The following GPAM variants were observed in gnomAD, a reference collection of about 807,000 sequenced individuals.
GPAM encodes the protein glycerol-3-phosphate acyltransferase 1, mitochondrial.
Under a neutral mutation model 105.0 loss-of-function variants are expected in GPAM, and 56 were observed. That is an observed-to-expected ratio of 0.53 (90% CI 0.43 to 0.67). The LOEUF is 0.67. Among genes scored for constraint, GPAM ranks in the 30% least tolerant of loss-of-function variants. The pLI is 0.00. For missense variants in GPAM, 855 were observed against 989.8 expected (o/e 0.86, Z 1.83); for synonymous variants, 368 against 354.4 (o/e 1.04, Z -0.43).
chr10:112,154,476 T>C (rs1846978745), intron 21 of GPAM, 153 bp downstream of exon 21: 1 of 675,610 alleles, frequency 1.5e-6, no homozygotes, highest in Admixed American at 2.2e-5. Flanking sequence ...CAACCCATCC[T>C]ACATGCCCCG....
intron 14 of GPAM, among the ~76,000 whole-genome samples, chr10:112,163,123 T>TACAG (rs1847151676): frequency 6.6e-6 from 1 of 152,180 alleles, no homozygotes; most frequent in East Asian, 1.9e-4. Flanking sequence ...TACACAATTG[T>TACAG]ACAGCTTGGA....
Position 112,160,603 on chromosome 10 carries a change from C to G in GPAM, c.1759+1G>C, listed in dbSNP as rs1402538145. The G allele has an allele frequency of 6.2e-7, 1 of 1,611,656 alleles. No homozygotes were observed. The highest frequency in any genetic ancestry group is 8.5e-7 in the Non-Finnish European group (1 of 1,177,818). ...TGAAAATATTTCAAGGTCTGACATA[C>G]CTATGATGGCCTCCATGATAAAGAC... is the stretch of plus-strand genomic sequence containing the variant. On this transcript the variant is annotated splice_donor_variant, in intron 16 of 21. Coordinates refer to ENST00000348367, the MANE Select transcript of GPAM (RefSeq NM_001244949.2). LOFTEE classifies it high-confidence loss of function.
chr10:112,181,543 T>C lies in GPAM; in HGVS notation c.102+140A>G, dbSNP rs570195568. On this transcript the variant is annotated intron_variant, in intron 3 of 21. Transcript: ENST00000348367. Reference sequence around the variant, plus strand: ...AATATAATGCCATAAAATTTTTTATTAGGCTTCATAAACATACCAGTTTCT... The same window carrying C: ...AATATAATGCCATAAAATTTTTTATCAGGCTTCATAAACATACCAGTTTCT... 328 of 669,798 alleles carry C rather than the reference T, an allele frequency of 4.9e-4. 1 individual carries two copies. In the African/African-American group the frequency reaches 5.4e-3, roughly 11 times the overall value. 41.5% of individuals were successfully genotyped at this position (669,798 alleles called of 1,614,324 possible). A position where few individuals can be genotyped will look rare whatever the true frequency, so the allele number is the denominator to read the frequency against.
chr10:112,162,386 A>G (rs781632264), intron 14 of GPAM, among the ~76,000 whole-genome samples: 42 of 152,200 alleles, frequency 2.8e-4, no homozygotes, highest in Non-Finnish European at 4.3e-4. Flanking sequence ...GGTGCTCAGC[A>G]TATTTGTATT....
rs1847326160 is a variant in GPAM, at chr10:112,172,292, T to C, written c.684A>G (p.Pro228=). The C allele has an allele frequency of 1.2e-6, 2 of 1,612,898 alleles. No individual in the cohort carries two copies. Among genetic ancestry groups the C allele is most frequent in the Non-Finnish European group, 1.7e-6 (2 of 1,179,004 alleles). Residue 228 remains proline, a synonymous_variant, in exon 9 of 22, where the codon CCA becomes CCG. Transcript: ENST00000348367. The stretch of plus-strand genomic sequence containing the variant: ...GATAGTCAATATGGGATCTATGAAC[T>C]GGTAGAAACAGAAGCGGCAAATTCG... ...TETNLPLLFL[P]VHRSHIDYLL... is the part of the protein sequence containing the mutation.
Position 112,181,664 on chromosome 10 carries a change from A to G in GPAM, c.102+19T>C, listed in dbSNP as rs1554847174. ...AACATTTTTAGGCTGAGTGCTTTTA[A>G]CTCTTATCCTAAACTTACCCATTCC... is the stretch of plus-strand genomic sequence containing the variant. On this transcript the variant is annotated intron_variant, in intron 3 of 21. Coordinates refer to ENST00000348367, the MANE Select transcript of GPAM (RefSeq NM_001244949.2). 1 of 1,364,746 alleles carries G rather than the reference A, an allele frequency of 7.3e-7. No individual in the cohort carries two copies. The highest frequency in any genetic ancestry group is 1.2e-5 in the South Asian group (1 of 86,248). The allele number at this position is 1,364,746 out of a possible 1,614,324, so 84.5% of individuals were successfully genotyped here. A position where few individuals can be genotyped will look rare whatever the true frequency, so the allele number is the denominator to read the frequency against.
intron 19 of GPAM, 99 bp from the exon 20 acceptor site, chr10:112,156,152 A>T: frequency 1.3e-6 from 1 of 784,660 alleles, no homozygotes; most frequent in Admixed American, 2.0e-5. Flanking sequence ...TAACGTGAGA[A>T]GATGGCCACT....
chr10:112,153,193 G>A lies in GPAM; in HGVS notation c.*357C>T, dbSNP rs151007929. 1.2e-3 allele frequency: 1,398 copies of A among 1,123,896 alleles called. 13 individuals carry two copies. The African/African-American group carries it at 0.02, about 16-fold the overall frequency. The allele number at this position is 1,123,896 out of a possible 1,614,324, so 69.6% of individuals were successfully genotyped here. ...GTATACCATGTAAGATTCAGTTCCA[G>A]AACACAGCTACATTTCTGTGTCCAT... On this transcript the variant is annotated 3_prime_UTR_variant, in exon 22 of 22. Coordinates refer to ENST00000348367, the MANE Select transcript of GPAM (RefSeq NM_001244949.2).
Position 112,151,412 on chromosome 10 carries a change from A to C in GPAM, c.*2138T>G. On this transcript the variant is annotated 3_prime_UTR_variant, in exon 22 of 22. Transcript: ENST00000348367. The stretch of plus-strand genomic sequence containing the variant: ...AAGGTCAGCTTGTCTGGATGAGCAT[A>C]ACTTTGGTTGAGATTTTTCTCCCTT... 6.1e-6 allele frequency: 6 copies of C among 985,822 alleles called. No homozygotes were observed. The highest frequency in any genetic ancestry group is 7.2e-6 in the Non-Finnish European group (6 of 829,888). 61.1% of individuals were successfully genotyped at this position (985,822 alleles called of 1,614,324 possible).
intron 9 of GPAM, among the ~76,000 whole-genome samples, chr10:112,170,047 A>C (rs1249595013): frequency 6.6e-6 from 1 of 152,154 alleles, no homozygotes; most frequent in Non-Finnish European, 1.5e-5. Flanking sequence ...ATTTCTTTAT[A>C]TATTACAAAG....
intron 1 of GPAM, among the ~76,000 whole-genome samples, chr10:112,195,220 C>T (rs1161723711): frequency 2.0e-5 from 3 of 152,210 alleles, no homozygotes; most frequent in Non-Finnish European, 4.4e-5. Flanking sequence ...GCCAAATACC[C>T]CCATCGCTCT....
At chr10:112,187,318 AT>A (rs930021439), upstream of GPAM, among the ~76,000 whole-genome samples, 5 of 152,222 alleles carry the variant, frequency 3.3e-5, no homozygotes, top group Non-Finnish European at 7.4e-5. Context: ...TATGCCACCT[AT>A]TTAAAAACTC....
At chr10:112,193,942 G>A (rs1289259286) in intron 1 of GPAM, among the ~76,000 whole-genome samples, 2 of 152,292 alleles carry the variant, frequency 1.3e-5, no homozygotes, top group South Asian at 2.1e-4. Flanking sequence ...AAACTCATAT[G>A]AACCCTTAAA....
At chr10:112,185,872 A>G (rs1033272188), upstream of GPAM, among the ~76,000 whole-genome samples, 7 of 152,206 alleles carry the variant, frequency 4.6e-5, no homozygotes, top group African/African-American at 1.7e-4. Flanking sequence ...AAGTAAAAGT[A>G]GAGTATCAGT....
At chr10:112,226,886 C>T in the GPAM span, among the ~76,000 whole-genome samples, 1 of 152,076 alleles carries the variant, frequency 6.6e-6, no homozygotes, top group Admixed American at 6.5e-5. Flanking sequence ...GTTTTATGCC[C>T]TGGGCTTAGA....
At chr10:112,204,846 G>A (rs111739567) in intron 1 of GPAM, among the ~76,000 whole-genome samples, 18,807 of 127,694 alleles carry the variant, frequency 0.15, 1,852 homozygotes, top group African/African-American at 0.26. Context: ...GAAATAAAGG[G>A]TATTCAATTA....
At chr10:112,157,431 G>C (rs750065891) in intron 18 of GPAM, 42 bp from the exon 19 acceptor site, 1 of 1,597,710 alleles carries the variant, frequency 6.3e-7, no homozygotes, top group Non-Finnish European at 8.6e-7. Flanking sequence ...ATATGCACTG[G>C]CACACAAACA....
chr10:112,173,498 T>C (rs1165307587), intron 7 of GPAM, among the ~76,000 whole-genome samples: 1 of 152,202 alleles, frequency 6.6e-6, no homozygotes, highest in African/African-American at 2.4e-5. Context: ...TTAACAGATA[T>C]GAAGGCACCT....
intron 1 of GPAM, among the ~76,000 whole-genome samples, chr10:112,203,443 G>C (rs2133297684): frequency 6.6e-6 from 1 of 152,274 alleles, no homozygotes; most frequent in South Asian, 2.1e-4. Context: ...TCTGGAGAGG[G>C]GCAATCTGCC....
Sources: gnomAD v4.1 joint callset for allele counts (sites outside exome capture counted in the v4.1 genomes callset) on GRCh38, gnomAD v4.1.1 for gene constraint, MANE v1.5 for transcripts, NCBI Gene and HGNC (gene_info 2026-07-23, HGNC 2026-07-21) for gene names.